The following BFSP1 variants were observed in gnomAD, a reference collection of about 807,000 sequenced individuals.
The protein encoded by BFSP1 is beaded filament structural protein 1, also known as filensin.
BFSP1 carries 38 observed loss-of-function variants against 43.9 expected under a neutral mutation model. The ratio of observed to expected loss-of-function variants is 0.87; its 90% CI spans 0.67 to 1.14. The LOEUF is 1.14. Ranked by LOEUF, BFSP1 falls within the 50% of genes most tolerant of loss-of-function variation. The pLI is 0.00. For synonymous variants in BFSP1, 352 were observed against 354.8 expected, an observed-to-expected ratio of 0.99 and a Z score of 0.09; for missense variants, 850 against 875.1, an observed-to-expected ratio of 0.97 and a Z score of 0.36.
rs1357442555 is a variant in BFSP1 at position 17,508,884 on chromosome 20, C to T, written c.735+5G>A. On this transcript the variant is annotated splice_donor_5th_base_variant and intron_variant, in intron 5 of 7. Coordinates refer to ENST00000377873, the MANE Select transcript of BFSP1 (RefSeq NM_001195.5). Reference sequence around the variant, plus strand: ...CCAATGCACACGCGGCAGACTCGAGCGTACCTGTGCCTGCAGCTCCACTCT... The same window carrying T: ...CCAATGCACACGCGGCAGACTCGAGTGTACCTGTGCCTGCAGCTCCACTCT... 6.3e-7 allele frequency: 1 copy of T among 1,576,210 alleles called. No individual in the cohort carries two copies. The highest frequency in any genetic ancestry group is 8.6e-7 in the Non-Finnish European group (1 of 1,163,030).
At chr20:17,533,279 C>T (rs1045605378), upstream of BFSP1, among the ~76,000 whole-genome samples, 1 of 152,112 alleles carries the variant, frequency 6.6e-6, no homozygotes, top group Non-Finnish European at 1.5e-5. Flanking sequence ...TTTGTAGGTG[C>T]ACATATACCA....
chr20:17,553,843 A>G, intron 1 of BFSP1, among the ~76,000 whole-genome samples: 1 of 81,416 alleles, frequency 1.2e-5, no homozygotes, highest in African/African-American at 8.8e-5. Context: ...ATATACACAT[A>G]TATATACATA....
intron 1 of BFSP1, among the ~76,000 whole-genome samples, chr20:17,530,717 T>C (rs2034515158): frequency 6.6e-6 from 1 of 152,240 alleles, no homozygotes; most frequent in Non-Finnish European, 1.5e-5. Context: ...TATACCAAAA[T>C]TTAAAAATAG....
In BFSP1 at chr20:17,508,914, G is replaced by A. The variant is rs898881968; in HGVS notation, c.710C>T (p.Ala237Val). ...EGREVLSHLQ[A>V]QRVELQAQTT... ...CTGTGCCTGCAGCTCCACTCTCTGC[G>A]CCTGCAGGTGGGAGAGCACCTCCCG... The change falls in exon 5 of 8, where the codon GCG becomes GTG. Residue 237 changes from alanine (A) to valine (V), a missense_variant. Physicochemically the swap from Ala to Val is moderately conservative, Grantham distance 64. Transcript: ENST00000377873. 6.1e-5 allele frequency: 97 copies of A among 1,603,136 alleles called. No homozygotes were observed. Among genetic ancestry groups the A allele is most frequent in the South Asian group, 9.0e-5 (8 of 88,830 alleles).
intron 2 of BFSP1, chr20:17,517,371 A>C: frequency 2.2e-6 from 2 of 922,212 alleles, no homozygotes; most frequent in Non-Finnish European, 3.5e-6. Context: ...AACAAACAAA[A>C]TCATTTCCTT....
At chr20:17,520,210 G>GCCCGC (rs2034288944) in intron 2 of BFSP1, among the ~76,000 whole-genome samples, 1 of 133,354 alleles carries the variant, frequency 7.5e-6, no homozygotes, top group Non-Finnish European at 1.6e-5. Flanking sequence ...GTTTTAACGT[G>GCCCGC]CCCCCCCACC....
intron 1 of BFSP1, among the ~76,000 whole-genome samples, chr20:17,528,671 TCA>T (rs2034471019): frequency 1.3e-5 from 2 of 152,190 alleles, no homozygotes; most frequent in African/African-American, 2.4e-5. Flanking sequence ...TCTCCCAGGC[TCA>T]GTTTCCCCAT....
intron 7 of BFSP1, 150 bp downstream of exon 7, chr20:17,496,788 G>C: frequency 2.9e-6 from 2 of 697,470 alleles, no homozygotes; most frequent in Non-Finnish European, 4.5e-6. Flanking sequence ...AGCCAGAGAG[G>C]GCAGAGGGTG....
intron 1 of BFSP1, among the ~76,000 whole-genome samples, chr20:17,543,963 G>C (rs1043407534): frequency 1.3e-5 from 2 of 152,220 alleles, no homozygotes; most frequent in African/African-American, 2.4e-5. Flanking sequence ...TATGGTAAGT[G>C]CTTAACAAAT....
intron 2 of BFSP1, chr20:17,517,406 C>A: frequency 2.7e-6 from 2 of 731,342 alleles, no homozygotes; most frequent in Middle Eastern, 3.8e-4. Context: ...GCCTCAGCCT[C>A]CCAAGTAGCT....
chr20:17,499,678 T>C (rs1248267057), intron 5 of BFSP1, among the ~76,000 whole-genome samples: 2 of 152,086 alleles, frequency 1.3e-5, no homozygotes, highest in Non-Finnish European at 2.9e-5. Context: ...TCCCAGAACT[T>C]TGGGAGGCCG....
intron 5 of BFSP1, among the ~76,000 whole-genome samples, chr20:17,508,517 G>A (rs953330977): frequency 4.6e-5 from 7 of 152,166 alleles, no homozygotes; most frequent in Non-Finnish European, 7.4e-5. Context: ...TATGGTGTCC[G>A]TTTCTTCTTA....
Position 17,507,134 on chromosome 20 carries a change from C to G in BFSP1, c.735+1755G>C, listed in dbSNP as rs1363912789. On this transcript the variant is annotated intron_variant, in intron 5 of 7. Transcript: ENST00000377873. The surrounding 1 kb of genome is among the most constrained non-coding windows in gnomAD (Gnocchi z 4.4). ...ATAAAGAGAGGAACATTCTTTTTGT[C>G]CTGGAACTGGAATTTGCCATCTAGG... 2.0e-5 allele frequency: 3 copies of G among 152,070 alleles called. No homozygotes were observed. The highest frequency in any genetic ancestry group is 4.4e-5 in the Non-Finnish European group (3 of 68,018). 9.4% of individuals were successfully genotyped at this position (152,070 alleles called of 1,614,324 possible).
At chr20:17,509,088 G>T (rs2281207) in intron 4 of BFSP1, 92 bp from the exon 5 acceptor site, 2 of 902,190 alleles carry the variant, frequency 2.2e-6, no homozygotes, top group African/African-American at 1.7e-5. Context: ...CGGAATATCC[G>T]TGTCCCCCTG....
intron 1 of BFSP1, among the ~76,000 whole-genome samples, chr20:17,550,974 T>G (rs1036862741): frequency 6.6e-6 from 1 of 152,186 alleles, no homozygotes; most frequent in Non-Finnish European, 1.5e-5. Flanking sequence ...CCACTCTGGC[T>G]CTCCTATGCT....
chr20:17,516,747 A>G, intron 2 of BFSP1: 1 of 338,762 alleles, frequency 3.0e-6, no homozygotes, highest in South Asian at 4.1e-5. Flanking sequence ...TGAGAGTTGT[A>G]CAAGATCAAA....
chr20:17,544,119 G>A (rs1053307893), intron 1 of BFSP1, among the ~76,000 whole-genome samples: 7 of 152,210 alleles, frequency 4.6e-5, no homozygotes, highest in African/African-American at 1.7e-4. Flanking sequence ...TAGAAGAGTG[G>A]GGAAGTGAGA....
At chr20:17,515,677 T>C (rs1319161806) in intron 2 of BFSP1, among the ~76,000 whole-genome samples, 1 of 152,218 alleles carries the variant, frequency 6.6e-6, no homozygotes, top group Non-Finnish European at 1.5e-5. Flanking sequence ...GTGACTTATA[T>C]ACTTTGGCAT....
rs1469810374 is a variant in BFSP1 at position 17,507,500 on chromosome 20, A to T, written c.735+1389T>A. 2.0e-5 allele frequency among the ~76,000 whole-genome samples: 3 copies of T among 152,026 alleles called. No individual in the cohort carries two copies. The highest frequency in any genetic ancestry group is 4.4e-5 in the Non-Finnish European group (3 of 67,988). On this transcript the variant is annotated intron_variant, in intron 5 of 7. Transcript: ENST00000377873. The surrounding 1 kb of genome is among the most constrained non-coding windows in gnomAD (Gnocchi z 4.4). ...AAATGAGTTGTCACTAGCCATTTGG[A>T]AAACACTGGTCTCTAGGACCACGAC...
Sources: gnomAD v4.1 joint callset for allele counts (sites outside exome capture counted in the v4.1 genomes callset) on GRCh38, gnomAD v4.1.1 for gene constraint, Gnocchi (gnomAD v3.1) non-coding constraint, MANE v1.5 for transcripts, NCBI Gene and HGNC (gene_info 2026-07-23, HGNC 2026-07-21) for gene names.